Variants in PSG11 observed in about 807,000 individuals in gnomAD.
PSG11 encodes pregnancy specific beta-1-glycoprotein 11.
PSG11 carries 42 observed loss-of-function variants against 36.0 expected under a neutral mutation model. That is an observed-to-expected ratio of 1.17 (90% CI 0.91 to 1.51). The LOEUF (loss-of-function observed/expected upper bound fraction) is 1.51, where lower values mean the gene tolerates loss of function less well. Ranked by LOEUF, PSG11 falls within the 40% of genes most tolerant of loss-of-function variation. The probability of loss-of-function intolerance (pLI) is 0.00; values close to 1 mark genes in which losing one functional copy is unlikely to be tolerated. For missense variants in PSG11, 558 were observed against 403.5 expected (o/e 1.38, Z -3.28); for synonymous variants, 206 against 153.5 (o/e 1.34, Z -2.53).
chr19:43,015,580 T>C (rs1295126561), intron 3 of PSG11, among the ~76,000 whole-genome samples: 1 of 151,288 alleles, frequency 6.6e-6, no homozygotes, highest in Non-Finnish European at 1.5e-5. Context: ...GACAAGAGCA[T>C]CCCCTCTCCT....
intron 4 of PSG11, chr19:43,014,396 A>C: frequency 1.1e-6 from 1 of 942,258 alleles, no homozygotes; most frequent in Non-Finnish European, 1.3e-6. Flanking sequence ...GCTGTGTCCC[A>C]CGTGCTGTGC....
chr19:43,018,029 C>G (rs1272045430), intron 3 of PSG11, among the ~76,000 whole-genome samples: 1 of 151,140 alleles, frequency 6.6e-6, no homozygotes, highest in Non-Finnish European at 1.5e-5. Context: ...TTCCCTCTCC[C>G]TTTGCAGAGG....
rs1381190973 is a variant in PSG11 at position 43,018,982 on chromosome 19, A to C, written c.497T>G (p.Ile166Ser). The C allele has an allele frequency of 1.9e-6, 3 of 1,611,972 alleles. No homozygotes were observed. The highest frequency in any genetic ancestry group is 2.2e-5 in the East Asian group (1 of 44,798). Residue 166 changes from isoleucine to serine, a missense_variant, in exon 3 of 6, where the codon ATC becomes AGC. By Grantham distance (142) the Ile-to-Ser change is moderately radical. Coordinates refer to ENST00000320078, the MANE Select transcript of PSG11 (RefSeq NM_002785.3). ...CGGAGTCTCAGGATTACAGGTTAAG[A>C]TCACAGTCTCCATGGCCTCCCTGGG... ...LNPREAMETV[I>S]LTCNPETPDA... is the part of the protein sequence containing the mutation.
intron 3 of PSG11, among the ~76,000 whole-genome samples, chr19:43,016,717 A>AG (rs1966976090): frequency 6.6e-6 from 1 of 151,564 alleles, no homozygotes; most frequent in South Asian, 2.1e-4. Context: ...GGAATGATCT[A>AG]GGAAGAGTGA....
chr19:43,025,081 C>G (rs1289108663), intron 1 of PSG11, 25 bp from the exon 2 acceptor site: 1 of 1,599,268 alleles, frequency 6.3e-7, no homozygotes, highest in Non-Finnish European at 8.5e-7. Flanking sequence ...GAGCATCAGT[C>G]AATATTGAGA....
chr19:43,020,219 A>C (rs1320517959), intron 2 of PSG11, among the ~76,000 whole-genome samples: 1 of 151,494 alleles, frequency 6.6e-6, no homozygotes, highest in Non-Finnish European at 1.5e-5. Context: ...TTATGCAGAA[A>C]GGTTAAAACA....
rs141661792 is a variant in PSG11 at position 43,024,867 on chromosome 19, T to C, written c.254A>G (p.Asp85Gly). ...LYHYITSYVVDGQIIIYGPAY... is the reference protein window; with the variant it reads ...LYHYITSYVVGGQIIIYGPAY... ...CGGTCCATATATAATTATTTGACCG[T>C]CTACTACATATGATGTAATGTAATG... Residue 85 changes from aspartate to glycine, a missense_variant, in exon 2 of 6, where the codon GAC becomes GGC. Transcript: ENST00000320078. The C allele has an allele frequency of 1.2e-5, 20 of 1,611,800 alleles. No individual in the cohort carries two copies. The highest frequency in any genetic ancestry group is 1.6e-5 in the Non-Finnish European group (19 of 1,179,076).
Position 43,018,813 on chromosome 19 carries a change from T to A in PSG11, c.666A>T (p.Ser222=). 6.2e-7 allele frequency: 1 copy of A among 1,612,090 alleles called. No individual in the cohort carries two copies. The highest frequency in any genetic ancestry group is 8.5e-7 in the Non-Finnish European group (1 of 1,179,058). Residue 222 remains serine, a synonymous_variant, in exon 3 of 6, where the codon TCA becomes TCT. Coordinates refer to ENST00000320078, the MANE Select transcript of PSG11 (RefSeq NM_002785.3). ...AGPYECEIWN[S]GSASRSDPVT... ...CTGGGTCACTGCGGCTGGCACTCCC[T>A]GAGTTCCATATTTCACATTCATAGG...
intron 2 of PSG11, 24 bp from the exon 3 acceptor site, chr19:43,019,072 T>C: frequency 6.2e-7 from 1 of 1,603,570 alleles, no homozygotes; most frequent in Non-Finnish European, 8.5e-7. Flanking sequence ...AGAGAGAAGA[T>C]TGCCCTGTGT....
rs1156866810 is a variant in PSG11 at position 43,024,778 on chromosome 19, C to T, written c.343G>A (p.Glu115Lys). 1.2e-6 allele frequency: 2 copies of T among 1,612,012 alleles called. No individual in the cohort carries two copies. Among genetic ancestry groups the T allele is most frequent in the South Asian group, 1.1e-5 (1 of 90,822 alleles). ...TGTAAGGTGTAGGATCCTGCGTCCT[C>T]CCGGGTGACATTCTGGATCAGCAGG... is the stretch of plus-strand genomic sequence containing the variant. Reference protein sequence around the residue: ...ASLLIQNVTREDAGSYTLHII... With the variant: ...ASLLIQNVTRKDAGSYTLHII... The change falls in exon 2 of 6, where the codon GAG becomes AAG. Residue 115 changes from glutamate to lysine, a missense_variant. Physicochemically the swap from Glu to Lys is moderately conservative, Grantham distance 56 (BLOSUM62 1). Transcript: ENST00000320078.
At chr19:43,017,704 T>G (rs1295900495) in intron 3 of PSG11, 2 of 151,422 alleles carry the variant, frequency 1.3e-5, no homozygotes, top group African/African-American at 4.9e-5. Context: ...TGGGTAGTAT[T>G]GTCTTTCTAA....
chr19:43,008,027 C>A lies in PSG11; in HGVS notation c.*56G>T, dbSNP rs1973973809. ...TGTATTCAAGAGTCCTTTTCATAGT[C>A]TTTTCCATAAATCTCCTTGAAGAAA... On this transcript the variant is annotated 3_prime_UTR_variant, in exon 6 of 6. Coordinates refer to ENST00000320078, the MANE Select transcript of PSG11 (RefSeq NM_002785.3). The A allele has an allele frequency of 1.5e-5, 6 of 394,566 alleles. No homozygotes were observed. Among genetic ancestry groups the A allele is most frequent in the Middle Eastern group, 3.2e-4 (1 of 3,142 alleles). 24.4% of individuals were successfully genotyped at this position (394,566 alleles called of 1,614,324 possible). A position where few individuals can be genotyped will look rare whatever the true frequency, so the allele number is the denominator to read the frequency against.
At chr19:43,011,412 C>T (rs1974073376) in intron 4 of PSG11, among the ~76,000 whole-genome samples, 1 of 150,898 alleles carries the variant, frequency 6.6e-6, no homozygotes, top group Non-Finnish European at 1.5e-5. Context: ...TAAACCCAAG[C>T]ACAGTGAATG....
chr19:43,015,002 T>C, intron 4 of PSG11, 114 bp downstream of exon 4: 1 of 1,587,958 alleles, frequency 6.3e-7, no homozygotes, highest in South Asian at 1.2e-5. Context: ...ATTTGGGATT[T>C]GCCTGTGCCC....
At chr19:43,010,186 G>T (rs1974038125) in intron 4 of PSG11, 145 bp from the exon 5 acceptor site, 1 of 1,455,088 alleles carries the variant, frequency 6.9e-7, no homozygotes, top group Non-Finnish European at 9.1e-7. Flanking sequence ...GATGGGAGAT[G>T]ATTATATTCT....
At chr19:43,023,146 A>G (rs12976843) in intron 2 of PSG11, among the ~76,000 whole-genome samples, 80,593 of 149,066 alleles carry the variant, frequency 0.54, 23,569 homozygotes, top group East Asian at 0.99. Flanking sequence ...CTTCAGAGTT[A>G]CATGAGGTGG....
rs1644952393 is a variant in PSG11 at position 43,018,636 on chromosome 19, A to G, written c.709+134T>C. On this transcript the variant is annotated intron_variant, in intron 3 of 5. Transcript: ENST00000320078. ...GCCTACTGTGGTTTGTCTGGGGCAGAAAGTCATGGCCAGCTTTGATGTCCA... is the reference window on the plus strand; with the variant it reads ...GCCTACTGTGGTTTGTCTGGGGCAGGAAGTCATGGCCAGCTTTGATGTCCA... The G allele has an allele frequency of 1.9e-6, 3 of 1,584,122 alleles. No homozygotes were observed. In the Admixed American group the frequency reaches 5.0e-5, roughly 27 times the overall value.
At chr19:43,013,002 G>A (rs1974112750) in intron 4 of PSG11, among the ~76,000 whole-genome samples, 1 of 151,352 alleles carries the variant, frequency 6.6e-6, no homozygotes, top group African/African-American at 2.4e-5. Flanking sequence ...GATTTTCATC[G>A]AGTGTGCCAA....
At chr19:43,023,509 A>AGGT (rs1192457730) in intron 2 of PSG11, among the ~76,000 whole-genome samples, 24 of 151,090 alleles carry the variant, frequency 1.6e-4, no homozygotes, top group Non-Finnish European at 2.9e-4. Flanking sequence ...TTTTTTTTGC[A>AGGT]CTGACTTTGA....
Sources: gnomAD v4.1 joint callset for allele counts (sites outside exome capture counted in the v4.1 genomes callset) on GRCh38, gnomAD v4.1.1 for gene constraint, MANE v1.5 for transcripts, NCBI Gene and HGNC (gene_info 2026-07-23, HGNC 2026-07-21) for gene names.